Variants in FFAR4 observed in about 807,000 individuals in gnomAD.
The protein encoded by FFAR4 is free fatty acid receptor 4.
In FFAR4, 19 loss-of-function variants were observed where a neutral mutation model predicts 27.0. The ratio of observed to expected loss-of-function variants is 0.70; its 90% CI spans 0.49 to 1.03. The LOEUF (loss-of-function observed/expected upper bound fraction) is 1.03, where lower values mean the gene tolerates loss of function less well. FFAR4 is among the 50% of genes least tolerant of loss of function. The probability of loss-of-function intolerance (pLI) is 0.00; values close to 1 mark genes in which losing one functional copy is unlikely to be tolerated. For missense variants in FFAR4, 476 were observed against 479.0 expected (o/e 0.99, Z 0.06); for synonymous variants, 254 against 215.6 (o/e 1.18, Z -1.56).
rs2058104922 is a variant in FFAR4 at position 93,567,300 on chromosome 10, C to A, written c.567+13C>A. 2 of 1,595,010 alleles carry A rather than the reference C, an allele frequency of 1.3e-6. No individual in the cohort carries two copies. The highest frequency in any genetic ancestry group is 1.1e-5 in the South Asian group (1 of 90,252). ...CGGCGCCGACCAGGTGAGCGCCCCT[C>A]TGTGTGTGCCGGGCAGGTGTCCTGC... On this transcript the variant is annotated intron_variant, in intron 1 of 2. Coordinates refer to ENST00000371481, the MANE Select transcript of FFAR4 (RefSeq NM_001195755.2).
At position 93,567,458 on chromosome 10, in the gene FFAR4, C is replaced by T. The variant is rs374840859; in HGVS notation, c.567+171C>T. Among the ~76,000 whole-genome samples the T allele has an allele frequency of 4.4e-4, 67 of 152,370 alleles. 1 individual carries two copies. In the East Asian group the frequency reaches 0.012, roughly 28 times the overall value. On this transcript the variant is annotated intron_variant, in intron 1 of 2. Coordinates refer to ENST00000371481, the MANE Select transcript of FFAR4 (RefSeq NM_001195755.2). ...GTGAAGTTTAATCTCTTAAATCTCA[C>T]TACAACGCTGTGCACACGCCCTCCT...
At chr10:93,575,630 TA>T (rs2058159420) in intron 1 of FFAR4, among the ~76,000 whole-genome samples, 2 of 152,244 alleles carry the variant, frequency 1.3e-5, no homozygotes, top group Admixed American at 1.3e-4. Flanking sequence ...TCCTTCAGCT[TA>T]CACAGTTGTG....
rs1276653743 is a variant in FFAR4 at position 93,576,197 on chromosome 10, T to C, written c.674T>C (p.Ile225Thr). The C allele has an allele frequency of 1.9e-6, 3 of 1,613,888 alleles. No individual in the cohort carries two copies. Among genetic ancestry groups the C allele is most frequent in the Non-Finnish European group, 2.5e-6 (3 of 1,179,870 alleles). Residue 225 changes from isoleucine to threonine, a missense_variant, in exon 2 of 3, where the codon ATC (isoleucine) becomes ACC (threonine). Physicochemically the swap from Ile to Thr is moderately conservative, Grantham distance 89. Coordinates refer to ENST00000371481, the MANE Select transcript of FFAR4 (RefSeq NM_001195755.2). ...TTGGTGCCAGGACTGGTCATTGTGA[T>C]CAGTTACTCCAAAATTTTACAGGTA... is the stretch of plus-strand genomic sequence containing the variant. ...NFLVPGLVIVISYSKILQITK... is the reference protein window; with the variant it reads ...NFLVPGLVIVTSYSKILQITK...
At chr10:93,574,774 G>A (rs151142253) in intron 1 of FFAR4, among the ~76,000 whole-genome samples, 1 of 152,022 alleles carries the variant, frequency 6.6e-6, no homozygotes, top group African/African-American at 2.4e-5. Flanking sequence ...TGCTCCTGTG[G>A]TCCCAGCTAC....
chr10:93,586,628 C>T (rs1050462782), intron 2 of FFAR4, among the ~76,000 whole-genome samples: 2 of 152,272 alleles, frequency 1.3e-5, no homozygotes, highest in African/African-American at 2.4e-5. Context: ...AGATATGGCC[C>T]GAGCACCATG....
At chr10:93,571,956 T>C (rs2058134175) in intron 1 of FFAR4, among the ~76,000 whole-genome samples, 1 of 152,132 alleles carries the variant, frequency 6.6e-6, no homozygotes. Flanking sequence ...AAACAGGCAG[T>C]GTTTGCAAAT....
Position 93,587,809 on chromosome 10 carries a change from G to C in FFAR4, c.*200G>C, listed in dbSNP as rs1051459100. 13 of 548,592 alleles carry C rather than the reference G, an allele frequency of 2.4e-5. No individual in the cohort carries two copies. Among genetic ancestry groups the C allele is most frequent in the Non-Finnish European group, 3.5e-5 (11 of 315,098 alleles). 34.0% of individuals were successfully genotyped at this position (548,592 alleles called of 1,614,324 possible). ...CCTTTATAAAAGGATTTGTTGGCCA[G>C]GTGCAGTGGTTCATGCCTGTAATCC... On this transcript the variant is annotated 3_prime_UTR_variant, in exon 3 of 3. Transcript: ENST00000371481.
chr10:93,567,256 T>C lies in FFAR4; in HGVS notation c.536T>C (p.Val179Ala). The C allele has an allele frequency of 1.9e-6, 3 of 1,600,528 alleles. No homozygotes were observed. The highest frequency in any genetic ancestry group is 2.5e-6 in the Non-Finnish European group (3 of 1,179,686). Residue 179 changes from valine (V) to alanine (A), a missense_variant, in exon 1 of 3, where the codon GTC (valine) becomes GCC (alanine). Val to Ala is a moderately conservative substitution (Grantham distance 64, BLOSUM62 0). Coordinates refer to ENST00000371481, the MANE Select transcript of FFAR4 (RefSeq NM_001195755.2). ...CTGCCTCTCTGCGTCTTCTTCCGAG[T>C]CGTCCCGCAACGGCTCCCCGGCGCC... ...AALPLCVFFR[V>A]VPQRLPGADQ...
chr10:93,585,451 G>A (rs948377447), intron 2 of FFAR4, among the ~76,000 whole-genome samples: 1 of 152,212 alleles, frequency 6.6e-6, no homozygotes, highest in African/African-American at 2.4e-5. Context: ...TGGGGCAGGG[G>A]CACCTTTAAT....
chr10:93,569,605 C>T (rs557658876), intron 1 of FFAR4, among the ~76,000 whole-genome samples: 21 of 152,176 alleles, frequency 1.4e-4, no homozygotes, highest in African/African-American at 4.8e-4. Context: ...AATGTTGAAA[C>T]ACTTCCTTGG....
intron 2 of FFAR4, among the ~76,000 whole-genome samples, chr10:93,581,374 G>C (rs1476857235): frequency 6.6e-6 from 1 of 152,172 alleles, no homozygotes; most frequent in East Asian, 1.9e-4. Context: ...GGAATCTCTG[G>C]AAAGATGGAA....
rs772370717 is a variant in FFAR4 at position 93,576,148 on chromosome 10, G to A, written c.625G>A (p.Val209Ile). Residue 209 changes from valine (V) to isoleucine (I), a missense_variant, in exon 2 of 3, where the codon GTC (valine) becomes ATC (isoleucine). By Grantham distance (29) the Val-to-Ile change is conservative (BLOSUM62 3). Transcript: ENST00000371481. Reference protein sequence around the residue: ...PTIPGEISWDVSFVTLNFLVP... With the variant: ...PTIPGEISWDISFVTLNFLVP... ...CATTCCTGGAGAGATCTCGTGGGAT[G>A]TCTCTTTTGTTACTTTGAACTTCTT... 2 of 1,613,608 alleles carry A rather than the reference G, an allele frequency of 1.2e-6. No homozygotes were observed. The highest frequency in any genetic ancestry group is 2.2e-5 in the East Asian group (1 of 44,890).
intron 1 of FFAR4, among the ~76,000 whole-genome samples, chr10:93,572,563 T>G (rs981552549): frequency 6.6e-6 from 1 of 152,002 alleles, no homozygotes; most frequent in Non-Finnish European, 1.5e-5. Context: ...GGTAGGCCAG[T>G]GAAAATGCAA....
In FFAR4 at chr10:93,588,251, C is replaced by T. The variant is rs2058241697; in HGVS notation, c.*642C>T. The T allele has an allele frequency of 6.6e-6, 1 of 152,300 alleles. No homozygotes were observed. The highest frequency in any genetic ancestry group is 2.1e-4 in the South Asian group (1 of 4,826). The allele number at this position is 152,300 out of a possible 1,614,324, so 9.4% of individuals were successfully genotyped here. The stretch of plus-strand genomic sequence containing the variant: ...CACCATAGTGGTTTCTGAAGTGAGT[C>T]TTAGAACCGATTCAGGACGCAGATT... On this transcript the variant is annotated 3_prime_UTR_variant, in exon 3 of 3. Coordinates refer to ENST00000371481, the MANE Select transcript of FFAR4 (RefSeq NM_001195755.2).
At chr10:93,577,200 A>G (rs961649797) in intron 2 of FFAR4, among the ~76,000 whole-genome samples, 1 of 152,198 alleles carries the variant, frequency 6.6e-6, no homozygotes, top group African/African-American at 2.4e-5. Context: ...GTTTATGCCC[A>G]TTTTAGAAGG....
Position 93,576,087 on chromosome 10 carries a change from CTAGGAAA to C in FFAR4, c.568-2_572del. The C allele has an allele frequency of 6.2e-7, 1 of 1,613,630 alleles. No homozygotes were observed. Among genetic ancestry groups the C allele is most frequent in the Non-Finnish European group, 8.5e-7 (1 of 1,179,686 alleles). ...CATGATGTTCTTTTCCTTTTTGTAA[CTAGGAAA>C]TTTCGATTTGCACACTGATTTGGCC... On this transcript the variant is annotated splice_acceptor_variant and splice_polypyrimidine_tract_variant and coding_sequence_variant and intron_variant, in exon 2 of 3. Transcript: ENST00000371481. LOFTEE classifies it high-confidence loss of function.
intron 2 of FFAR4, among the ~76,000 whole-genome samples, chr10:93,578,768 G>C (rs191074355): frequency 5.4e-4 from 83 of 152,342 alleles, no homozygotes; most frequent in African/African-American, 1.9e-3. Flanking sequence ...CTGGGAAAAG[G>C]TGCTGCTAAG....
chr10:93,572,793 G>A (rs544740593), intron 1 of FFAR4, among the ~76,000 whole-genome samples: 1 of 152,288 alleles, frequency 6.6e-6, no homozygotes, highest in Admixed American at 6.5e-5. Flanking sequence ...ATGTCCTCAT[G>A]GCTATTGGGC....
chr10:93,566,791 G>C lies in FFAR4; in HGVS notation c.71G>C (p.Arg24Pro). The change falls in exon 1 of 3, where the codon CGC (arginine) becomes CCC (proline). Residue 24 changes from arginine to proline, a missense_variant. By Grantham distance (103) the Arg-to-Pro change is moderately radical. Transcript: ENST00000371481. The stretch of plus-strand genomic sequence containing the variant: ...AGCCTGGAGCAAGCCAACCGCACCC[G>C]CTTTCCCTTCTTCTCCGACGTCAAG... ...LRSLEQANRT[R>P]FPFFSDVKGD... 1 of 1,607,876 alleles carries C rather than the reference G, an allele frequency of 6.2e-7. No individual in the cohort carries two copies. Among genetic ancestry groups the C allele is most frequent in the South Asian group, 1.1e-5 (1 of 90,594 alleles).
Sources: allele counts gnomAD v4.1 joint callset (sites outside exome capture counted in the v4.1 genomes callset), GRCh38; gene constraint gnomAD v4.1.1; transcripts MANE v1.5; gene names NCBI Gene and HGNC (gene_info 2026-07-23, HGNC 2026-07-21).